Variants in VPS13B observed in about 807,000 individuals in gnomAD.
VPS13B encodes the protein intermembrane lipid transfer protein VPS13B.
VPS13B carries 285 observed loss-of-function variants against 426.4 expected under a neutral mutation model. That is an observed-to-expected ratio of 0.67 (90% confidence interval 0.61 to 0.74). VPS13B has a LOEUF of 0.74. Ranked by LOEUF, VPS13B falls within the 30% of genes least tolerant of loss-of-function variation. The probability of loss-of-function intolerance (pLI) is 0.00; values close to 1 mark genes in which losing one functional copy is unlikely to be tolerated. For synonymous variants in VPS13B, 1,676 were observed against 1,676.4 expected (o/e 1.00, Z 0.01); for missense variants, 4,537 against 4,782.6 (o/e 0.95, Z 1.51).
At chr8:99,020,823 A>T (rs985483195) in intron 2 of VPS13B, among the ~76,000 whole-genome samples, 3 of 152,198 alleles carry the variant, frequency 2.0e-5, no homozygotes, top group Admixed American at 6.5e-5. Context: ...TGATACTATC[A>T]CACTGTTTGG....
intron 33 of VPS13B, among the ~76,000 whole-genome samples, chr8:99,631,140 C>G (rs1340652726): frequency 6.6e-6 from 1 of 152,116 alleles, no homozygotes; most frequent in Non-Finnish European, 1.5e-5. Flanking sequence ...AGGCCTCTCT[C>G]TCCTTTTCCC....
chr8:99,115,576 TATTAAAATGTTTGGAGC>T lies in VPS13B; in HGVS notation c.763-120_763-104del. 3 of 940,046 alleles carry T rather than the reference TATTAAAATGTTTGGAGC, an allele frequency of 3.2e-6. No individual in the cohort carries two copies. The South Asian group carries it at 5.2e-5, about 16-fold the overall frequency. 58.2% of individuals were successfully genotyped at this position (940,046 alleles called of 1,614,324 possible). ...AGAGTAAGTATTGTTTTGATTTAAG[TATTAAAATGTTTGGAGC>T]ATTTCTTTTATGTTATGCCATTTAA... On this transcript the variant is annotated intron_variant, in intron 6 of 61. Transcript: ENST00000357162.
chr8:99,234,807 G>A (rs2047062657), intron 17 of VPS13B, among the ~76,000 whole-genome samples: 1 of 152,090 alleles, frequency 6.6e-6, no homozygotes, highest in Admixed American at 6.5e-5. Context: ...ATTGCAACAA[G>A]TCTCCCAAAG....
chr8:99,470,918 GAA>G (rs1217010527), intron 24 of VPS13B, among the ~76,000 whole-genome samples: 1 of 151,920 alleles, frequency 6.6e-6, no homozygotes, highest in African/African-American at 2.4e-5. Flanking sequence ...GCAGATATAG[GAA>G]AAGACACATT....
intron 16 of VPS13B, among the ~76,000 whole-genome samples, chr8:99,172,395 A>C (rs1563582018): frequency 6.6e-6 from 1 of 152,170 alleles, no homozygotes; most frequent in African/African-American, 2.4e-5. Flanking sequence ...TGTTTTATAC[A>C]GTCTTAGGTA....
intron 15 of VPS13B, among the ~76,000 whole-genome samples, chr8:99,165,725 C>G (rs1811963928): frequency 6.6e-6 from 1 of 152,176 alleles, no homozygotes; most frequent in Non-Finnish European, 1.5e-5. Flanking sequence ...GCATGTAATA[C>G]ATTTGAAAGC....
intron 3 of VPS13B, among the ~76,000 whole-genome samples, chr8:99,040,777 A>G (rs1412245467): frequency 6.6e-6 from 1 of 152,136 alleles, no homozygotes; most frequent in Non-Finnish European, 1.5e-5. Context: ...AAAGATATGA[A>G]TCTGTTAAAA....
chr8:99,766,028 C>T (rs1049912254), intron 39 of VPS13B, among the ~76,000 whole-genome samples: 3 of 145,948 alleles, frequency 2.1e-5, no homozygotes, highest in African/African-American at 5.1e-5. Flanking sequence ...CTTCATTTTC[C>T]GTCTTTCTCC....
At chr8:99,050,360 G>T (rs1220232208) in intron 3 of VPS13B, among the ~76,000 whole-genome samples, 2 of 152,164 alleles carry the variant, frequency 1.3e-5, no homozygotes, top group Admixed American at 6.5e-5. Context: ...CAAAGGACAT[G>T]AACTCATCCT....
At chr8:99,467,782 T>C (rs534162754) in intron 24 of VPS13B, 148 bp downstream of exon 24, 2 of 834,218 alleles carry the variant, frequency 2.4e-6, no homozygotes, top group South Asian at 1.6e-5. Flanking sequence ...AGATTAAGAA[T>C]TGCTTTGAAG....
chr8:99,021,641 A>G (rs1841897300), intron 2 of VPS13B, among the ~76,000 whole-genome samples: 1 of 151,724 alleles, frequency 6.6e-6, no homozygotes, highest in South Asian at 2.1e-4. Flanking sequence ...CAAAAACACA[A>G]AAAAACAAAG....
intron 35 of VPS13B, among the ~76,000 whole-genome samples, chr8:99,686,027 T>C (rs1831383595): frequency 6.6e-6 from 1 of 152,176 alleles, no homozygotes; most frequent in African/African-American, 2.4e-5. Flanking sequence ...GACTTGGGTG[T>C]TGTGATCTAA....
intron 35 of VPS13B, among the ~76,000 whole-genome samples, chr8:99,681,440 C>A (rs1356891032): frequency 1.3e-5 from 2 of 152,192 alleles, no homozygotes; most frequent in Admixed American, 1.3e-4. Flanking sequence ...GGGTGAGGGA[C>A]TTTGTGGCCT....
chr8:99,093,114 T>C (rs1474450213), intron 3 of VPS13B, among the ~76,000 whole-genome samples: 3 of 151,988 alleles, frequency 2.0e-5, no homozygotes, highest in African/African-American at 7.2e-5. Flanking sequence ...ATATTATAAA[T>C]TTTATGATGT....
intron 47 of VPS13B, 86 bp downstream of exon 47, chr8:99,818,974 G>C: frequency 1.3e-6 from 1 of 753,910 alleles, no homozygotes; most frequent in Non-Finnish European, 2.2e-6. Context: ...GGCGGCGGGG[G>C]AGGGGTGGGT....
intron 19 of VPS13B, among the ~76,000 whole-genome samples, chr8:99,285,478 C>T (rs998474491): frequency 1.3e-5 from 2 of 152,056 alleles, no homozygotes; most frequent in Admixed American, 6.6e-5. Context: ...AAAAAGTATT[C>T]GGGTTGTATA....
At chr8:99,719,028 G>C (rs1303707883) in intron 37 of VPS13B, among the ~76,000 whole-genome samples, 5 of 151,986 alleles carry the variant, frequency 3.3e-5, no homozygotes, top group African/African-American at 1.2e-4. Flanking sequence ...GCAAGATTTG[G>C]GAAGATCCTA....
At chr8:99,542,679 G>C (rs1002263079) in intron 30 of VPS13B, among the ~76,000 whole-genome samples, 3 of 152,042 alleles carry the variant, frequency 2.0e-5, no homozygotes, top group Non-Finnish European at 2.9e-5. Context: ...TTTTTGATCA[G>C]GTTTGAACCA....
chr8:99,496,291 A>G (rs1820878210), intron 25 of VPS13B, among the ~76,000 whole-genome samples: 1 of 152,200 alleles, frequency 6.6e-6, no homozygotes, highest in Non-Finnish European at 1.5e-5. Flanking sequence ...TTATATAATT[A>G]TACTCATTAA....
Sources: gnomAD v4.1 joint callset for allele counts (sites outside exome capture counted in the v4.1 genomes callset) on GRCh38, gnomAD v4.1.1 for gene constraint, MANE v1.5 for transcripts, NCBI Gene and HGNC (gene_info 2026-07-23, HGNC 2026-07-21) for gene names.